PACRG: variants seen among roughly 807,000 people sequenced by gnomAD.
PACRG encodes parkin coregulated, also known as parkin coregulated gene protein.
A neutral mutation model predicts 29.7 loss-of-function variants in PACRG; 29 were observed. The ratio of observed to expected loss-of-function variants is 0.98; its 90% CI spans 0.73 to 1.33. The LOEUF (loss-of-function observed/expected upper bound fraction) is 1.33, where lower values mean the gene tolerates loss of function less well. PACRG is among the 40% of genes most tolerant of loss of function. The probability of loss-of-function intolerance (pLI) is 0.00; values close to 1 mark genes in which losing one functional copy is unlikely to be tolerated. For synonymous variants in PACRG, 116 were observed against 118.7 expected, an observed-to-expected ratio of 0.98 and a Z score of 0.15; for missense variants, 279 against 316.2, an observed-to-expected ratio of 0.88 and a Z score of 0.89.
intron 2 of PACRG, among the ~76,000 whole-genome samples, chr6:162,977,415 A>T (rs1179551710): frequency 1.3e-5 from 2 of 151,708 alleles, no homozygotes; most frequent in African/African-American, 4.8e-5. Flanking sequence ...TTAAAAAAAA[A>T]AACCAGCAAT....
chr6:163,266,639 T>C (rs1783535831), intron 4 of PACRG, among the ~76,000 whole-genome samples: 1 of 152,224 alleles, frequency 6.6e-6, no homozygotes, highest in Non-Finnish European at 1.5e-5. Context: ...ATTTACTCTA[T>C]GCAAGACAAA....
At chr6:162,769,384 A>G (rs2128300430) in intron 1 of PACRG, among the ~76,000 whole-genome samples, 1 of 139,762 alleles carries the variant, frequency 7.2e-6, no homozygotes, top group African/African-American at 2.5e-5. Context: ...TACTCTGGTG[A>G]CAAACATTAT....
At chr6:162,909,056 T>TAAC (rs1562721593) in intron 2 of PACRG, among the ~76,000 whole-genome samples, 1 of 152,198 alleles carries the variant, frequency 6.6e-6, no homozygotes, top group East Asian at 1.9e-4. Context: ...CCTCTTGACC[T>TAAC]AACTTCTTCC....
intron 4 of PACRG, among the ~76,000 whole-genome samples, chr6:163,270,384 A>G (rs545711686): frequency 1.6e-3 from 249 of 152,062 alleles, no homozygotes; most frequent in African/African-American, 5.8e-3. Context: ...TTTTTTTTAA[A>G]TTTCAGTGAT....
chr6:162,924,881 G>C (rs951328182), intron 2 of PACRG, among the ~76,000 whole-genome samples: 4 of 151,970 alleles, frequency 2.6e-5, no homozygotes, highest in Non-Finnish European at 4.4e-5. Flanking sequence ...CCAGGAGCTG[G>C]GTTTTTGAAA....
chr6:163,231,894 G>A (rs1782058477), intron 4 of PACRG, among the ~76,000 whole-genome samples: 2 of 152,220 alleles, frequency 1.3e-5, no homozygotes, highest in Admixed American at 1.3e-4. Flanking sequence ...CGCAGTTACT[G>A]TAGGTAAACA....
chr6:162,749,199 A>G (rs1781327020), intron 1 of PACRG, among the ~76,000 whole-genome samples: 1 of 152,206 alleles, frequency 6.6e-6, no homozygotes, highest in South Asian at 2.1e-4. Flanking sequence ...CCAGTGCATG[A>G]TTGTTAAAAA....
chr6:162,994,821 G>C (rs1001906193), intron 2 of PACRG, among the ~76,000 whole-genome samples: 5 of 151,056 alleles, frequency 3.3e-5, no homozygotes, highest in African/African-American at 1.2e-4. Context: ...GGCGCTCTGC[G>C]TTTTAGAGTT....
At chr6:162,803,935 T>C (rs1360604443) in intron 1 of PACRG, among the ~76,000 whole-genome samples, 1 of 152,136 alleles carries the variant, frequency 6.6e-6, no homozygotes, top group African/African-American at 2.4e-5. Context: ...ACAATGTAAT[T>C]ACAATAGGCA....
intron 2 of PACRG, among the ~76,000 whole-genome samples, chr6:162,820,558 C>G (rs919849620): frequency 6.6e-6 from 1 of 152,116 alleles, no homozygotes; most frequent in African/African-American, 2.4e-5. Context: ...CATTTGCTAT[C>G]AGAATATTCA....
intron 2 of PACRG, among the ~76,000 whole-genome samples, chr6:162,996,864 A>G (rs1562815519): frequency 6.6e-6 from 1 of 152,180 alleles, no homozygotes. Flanking sequence ...AGAAAAATAG[A>G]AAGAATATAT....
chr6:162,814,265 A>G lies in PACRG; in HGVS notation c.275A>G (p.Asn92Ser), dbSNP rs764785937. 6.2e-7 allele frequency: 1 copy of G among 1,613,732 alleles called. No homozygotes were observed. Among genetic ancestry groups the G allele is most frequent in the South Asian group, 1.1e-5 (1 of 91,038 alleles). ...PIALEHDSKGNKIAWKVEIEK... is the reference protein window; with the variant it reads ...PIALEHDSKGSKIAWKVEIEK... ...GCCCTTGAGCATGATTCGAAAGGAA[A>G]CAAAATCGCCTGGAAGGTAAGTCAG... The change falls in exon 2 of 5, where the codon AAC (asparagine) becomes AGC (serine). Residue 92 changes from asparagine (N) to serine (S), a missense_variant. Physicochemically the swap from Asn to Ser is conservative, Grantham distance 46. Transcript: ENST00000366888.
rs111597358 is a variant in PACRG, at chr6:162,728,029, C to T, written c.-207C>T. 9 of 681,036 alleles carry T rather than the reference C, an allele frequency of 1.3e-5. No individual in the cohort carries two copies. Among genetic ancestry groups the T allele is most frequent in the African/African-American group, 1.1e-4 (6 of 55,988 alleles). The allele number at this position is 681,036 out of a possible 1,614,324, so 42.2% of individuals were successfully genotyped here. On this transcript the variant is annotated 5_prime_UTR_variant, in exon 1 of 5. Transcript: ENST00000366888. ...GCTTGTTGCAGCTCTAGCCAAGGTC[C>T]TGCCCTCTTCCCGCCCCGCCCCTAG... is the stretch of plus-strand genomic sequence containing the variant.
chr6:163,287,280 C>T (rs536866112), intron 4 of PACRG, among the ~76,000 whole-genome samples: 1 of 152,304 alleles, frequency 6.6e-6, no homozygotes, highest in East Asian at 1.9e-4. Flanking sequence ...AAGCTCTTGC[C>T]TTTCACTTTG....
At chr6:162,892,904 G>GAGA (rs34227883) in intron 2 of PACRG, among the ~76,000 whole-genome samples, 22,206 of 136,170 alleles carry the variant, frequency 0.16, 2,574 homozygotes, top group East Asian at 0.32. Flanking sequence ...CCACACCCCA[G>GAGA]AGAACCACCT....
rs189845024 is a variant in PACRG at position 163,208,841 on chromosome 6, G to A, written c.614-105986G>A. On this transcript the variant is annotated intron_variant, in intron 4 of 4. Transcript: ENST00000366888. ...CAAGAGAAAAAGAAAACAAAGTACC[G>A]GTCTACAAAAATATTTGTCTAATGC... is the stretch of plus-strand genomic sequence containing the variant. Among the ~76,000 whole-genome samples, 85 of 152,184 alleles carry A rather than the reference G, an allele frequency of 5.6e-4. No homozygotes were observed. In the South Asian group the frequency reaches 0.015, roughly 27 times the overall value.
intron 1 of PACRG, among the ~76,000 whole-genome samples, chr6:162,762,507 A>T (rs1346198472): frequency 6.6e-6 from 1 of 152,078 alleles, no homozygotes; most frequent in Admixed American, 6.5e-5. Context: ...GGTACCTGGG[A>T]TTCCTTTTCT....
intron 2 of PACRG, chr6:163,051,525 G>A (rs1277030428): frequency 2.6e-5 from 4 of 151,852 alleles, no homozygotes; most frequent in African/African-American, 9.7e-5. Context: ...TTTCTCAGAG[G>A]AGGTTTGTCC....
chr6:162,919,689 T>A (rs1298827259), intron 2 of PACRG, among the ~76,000 whole-genome samples: 2 of 152,180 alleles, frequency 1.3e-5, no homozygotes, highest in Admixed American at 1.3e-4. Flanking sequence ...GAATCAATAT[T>A]AATTGAATGA....
Sources: gnomAD v4.1 joint callset for allele counts (sites outside exome capture counted in the v4.1 genomes callset) on GRCh38, gnomAD v4.1.1 for gene constraint, MANE v1.5 for transcripts, NCBI Gene and HGNC (gene_info 2026-07-23, HGNC 2026-07-21) for gene names.